The following FBN2 variants were observed in gnomAD, a reference collection of about 807,000 sequenced individuals.
FBN2 encodes fibrillin 2.
FBN2 carries 105 observed loss-of-function variants against 355.6 expected under a neutral mutation model. The ratio of observed to expected loss-of-function variants is 0.30; its 90% CI spans 0.25 to 0.35. FBN2 has a LOEUF of 0.35. FBN2 is among the 10% of genes least tolerant of loss of function. The probability of loss-of-function intolerance (pLI) is 1.00; values close to 1 mark genes in which losing one functional copy is unlikely to be tolerated. For missense variants in FBN2, 3,280 were observed against 3,758.7 expected (o/e 0.87, Z 3.33); for synonymous variants, 1,350 against 1,301.2 (o/e 1.04, Z -0.81).
intron 2 of FBN2, among the ~76,000 whole-genome samples, chr5:128,535,003 A>C (rs1293012356): frequency 6.6e-6 from 1 of 152,246 alleles, no homozygotes; most frequent in African/African-American, 2.4e-5. Flanking sequence ...AGTTTAAAGC[A>C]GCCATGGTAA....
At chr5:128,313,197 T>G (rs879446522) in intron 36 of FBN2, among the ~76,000 whole-genome samples, 3 of 152,164 alleles carry the variant, frequency 2.0e-5, no homozygotes, top group Non-Finnish European at 4.4e-5. Context: ...TTGGAAAAGA[T>G]AGCCTGCAAC....
chr5:128,486,252 T>C (rs528254307), intron 5 of FBN2, among the ~76,000 whole-genome samples: 1 of 152,282 alleles, frequency 6.6e-6, no homozygotes, highest in African/African-American at 2.4e-5. Context: ...TAACATTAAA[T>C]GAGAGCCCTT....
In FBN2 at chr5:128,335,101, G is replaced by A. The variant is rs374542630; in HGVS notation, c.3973+69C>T. The A allele has an allele frequency of 3.2e-5, 51 of 1,595,568 alleles. 1 individual carries two copies. In the South Asian group the frequency reaches 4.2e-4, roughly 13 times the overall value. On this transcript the variant is annotated intron_variant, in intron 30 of 64. Transcript: ENST00000262464. ...ACAGAAAAAGCCTTCCTTTTATCAC[G>A]CTTGTGTGTGCATGTGGGTGTGTGT...
Position 128,291,565 on chromosome 5 carries a change from CA to C in FBN2, c.6255del (p.Gly2086AlafsTer163). The C allele has an allele frequency of 6.2e-7, 1 of 1,613,968 alleles. No homozygotes were observed. The highest frequency in any genetic ancestry group is 2.2e-5 in the East Asian group (1 of 44,874). ...TPGGFQCLCP[P>X]GFVLSDNGRR... ...CGTCCATTATCAGATAGTACAAAGC[CA>C]GGGGGGCAGAGGCACTGGAAGCCCC... On this transcript the variant is annotated frameshift_variant, in exon 49 of 65. Coordinates refer to ENST00000262464, the MANE Select transcript of FBN2 (RefSeq NM_001999.4). LOFTEE classifies it high-confidence loss of function.
chr5:128,436,485 C>G (rs927770120), intron 7 of FBN2, among the ~76,000 whole-genome samples: 1 of 152,236 alleles, frequency 6.6e-6, no homozygotes, highest in South Asian at 2.1e-4. Context: ...TGCCTCCCAA[C>G]ATAAATGTAT....
Position 128,464,708 on chromosome 5 carries a change from C to G in FBN2, c.826+16G>C. The G allele has an allele frequency of 5.0e-6, 8 of 1,611,328 alleles. No homozygotes were observed. The highest frequency in any genetic ancestry group is 6.8e-6 in the Non-Finnish European group (8 of 1,179,528). ...GCAGGTCTGCGATGGTGTGCACAGG[C>G]AGACAGCTGACTCACCTTGGCAAGC... On this transcript the variant is annotated intron_variant, in intron 6 of 64. Transcript: ENST00000262464.
chr5:128,328,292 C>T (rs959922633), intron 34 of FBN2: 17 of 385,766 alleles, frequency 4.4e-5, no homozygotes, highest in Admixed American at 2.1e-4. Flanking sequence ...GTCTCAACCA[C>T]GAAGGTAAAT....
At chr5:128,347,112 G>T (rs1025843362) in intron 23 of FBN2, among the ~76,000 whole-genome samples, 2 of 152,280 alleles carry the variant, frequency 1.3e-5, no homozygotes, top group African/African-American at 4.8e-5. Context: ...TATAAGTACA[G>T]GTGGCCTAAG....
chr5:128,536,885 A>C (rs892098977), intron 1 of FBN2, among the ~76,000 whole-genome samples: 3 of 152,078 alleles, frequency 2.0e-5, no homozygotes, highest in Non-Finnish European at 4.4e-5. Flanking sequence ...GTGTCAAGGA[A>C]AGCGCGTCGC....
chr5:128,467,757 T>C (rs1561471214), intron 5 of FBN2, among the ~76,000 whole-genome samples: 1 of 152,206 alleles, frequency 6.6e-6, no homozygotes, highest in Non-Finnish European at 1.5e-5. Context: ...TGTTACACGT[T>C]ATGACATGAC....
chr5:128,514,086 C>T (rs1421892234), intron 5 of FBN2, among the ~76,000 whole-genome samples: 2 of 151,922 alleles, frequency 1.3e-5, no homozygotes, highest in Non-Finnish European at 2.9e-5. Context: ...CAGTTGGTAA[C>T]ATTCTCTCTC....
rs370794795 is a variant in FBN2, at chr5:128,372,632, T to C, written c.2095+1996A>G. On this transcript the variant is annotated intron_variant, in intron 15 of 64. Coordinates refer to ENST00000262464, the MANE Select transcript of FBN2 (RefSeq NM_001999.4). Reference sequence around the variant, plus strand: ...TCAGCCTCCCAAGTAGCTGGAATTATAGGCACATGCCACCATGCCTGGCTA... The same window carrying C: ...TCAGCCTCCCAAGTAGCTGGAATTACAGGCACATGCCACCATGCCTGGCTA... Among the ~76,000 whole-genome samples, 10 of 152,188 alleles carry C rather than the reference T, an allele frequency of 6.6e-5. No individual in the cohort carries two copies. The South Asian group carries it at 2.1e-3, about 32-fold the overall frequency.
In FBN2 at chr5:128,464,670, A is replaced by C. The variant is rs577435365; in HGVS notation, c.826+54T>G. 4 of 1,588,006 alleles carry C rather than the reference A, an allele frequency of 2.5e-6. No individual in the cohort carries two copies. In the East Asian group the frequency reaches 8.9e-5, roughly 35 times the overall value. On this transcript the variant is annotated intron_variant, in intron 6 of 64. Coordinates refer to ENST00000262464, the MANE Select transcript of FBN2 (RefSeq NM_001999.4). ...CAGTGCCAGATTCTCCAACTCCAACAAAAAGAGAAGTGGCAGGTCTGCGAT... is the reference window on the plus strand; with the variant it reads ...CAGTGCCAGATTCTCCAACTCCAACCAAAAGAGAAGTGGCAGGTCTGCGAT...
At chr5:128,323,599 A>T (rs529530054) in intron 34 of FBN2, among the ~76,000 whole-genome samples, 1 of 152,238 alleles carries the variant, frequency 6.6e-6, no homozygotes, top group South Asian at 2.1e-4. Context: ...ACATTTACTG[A>T]TTTGCATATG....
At chr5:128,519,582 T>C (rs1756375188) in intron 4 of FBN2, among the ~76,000 whole-genome samples, 1 of 152,126 alleles carries the variant, frequency 6.6e-6, no homozygotes, top group Admixed American at 6.6e-5. Flanking sequence ...ACATACTTCA[T>C]GTAAATCACA....
At chr5:128,501,899 G>C (rs1019651579) in intron 5 of FBN2, among the ~76,000 whole-genome samples, 1 of 151,988 alleles carries the variant, frequency 6.6e-6, no homozygotes, top group Admixed American at 6.6e-5. Context: ...TTGAAGTAGA[G>C]AACCTAAAAA....
chr5:128,468,583 C>T (rs1754774875), intron 5 of FBN2, among the ~76,000 whole-genome samples: 1 of 152,184 alleles, frequency 6.6e-6, no homozygotes, highest in Admixed American at 6.5e-5. Flanking sequence ...TTCTCCTCAG[C>T]AATGTATGAG....
intron 6 of FBN2, among the ~76,000 whole-genome samples, chr5:128,458,526 T>C (rs1227736715): frequency 6.6e-6 from 1 of 151,398 alleles, no homozygotes; most frequent in Non-Finnish European, 1.5e-5. Flanking sequence ...GTGCCACTTA[T>C]TCTAAAATTG....
intron 48 of FBN2, among the ~76,000 whole-genome samples, chr5:128,297,492 C>A (rs1476837867): frequency 6.6e-6 from 1 of 152,048 alleles, no homozygotes; most frequent in Non-Finnish European, 1.5e-5. Flanking sequence ...GTAGGTCACT[C>A]AGGACTTGCT....
Sources: gnomAD v4.1 joint callset for allele counts (sites outside exome capture counted in the v4.1 genomes callset) on GRCh38, gnomAD v4.1.1 for gene constraint, MANE v1.5 for transcripts, NCBI Gene and HGNC (gene_info 2026-07-23, HGNC 2026-07-21) for gene names.